Variants in ZBTB8B observed in about 807,000 individuals in gnomAD.
ZBTB8B encodes zinc finger and BTB domain containing 8B, also known as zinc finger and BTB domain-containing protein 8B.
ZBTB8B carries 17 observed loss-of-function variants against 30.3 expected under a neutral mutation model. That is an observed-to-expected ratio of 0.56 (90% confidence interval 0.38 to 0.84). ZBTB8B has a LOEUF of 0.84. ZBTB8B is among the 40% of genes least tolerant of loss of function. ZBTB8B has a pLI of 0.00. For synonymous variants in ZBTB8B, 248 were observed against 255.6 expected (o/e 0.97, Z 0.28); for missense variants, 515 against 644.9 (o/e 0.80, Z 2.18).
rs554416886 is a variant in ZBTB8B at position 32,491,769 on chromosome 1, A to G, written c.*6351A>G. 2.0e-5 allele frequency: 3 copies of G among 152,208 alleles called. No individual in the cohort carries two copies. Among genetic ancestry groups the G allele is most frequent in the Non-Finnish European group, 2.9e-5 (2 of 68,042 alleles). The allele number at this position is 152,208 out of a possible 1,614,324, so 9.4% of individuals were successfully genotyped here. ...AGTTCTCCCAGTCCAGATGCAGTTTACCAATTGGGCATCATGTCTACCATA... is the reference window on the plus strand; with the variant it reads ...AGTTCTCCCAGTCCAGATGCAGTTTGCCAATTGGGCATCATGTCTACCATA... On this transcript the variant is annotated 3_prime_UTR_variant, in exon 4 of 4. Transcript: ENST00000609129.
At chr1:32,482,245 T>G (rs989565350) in intron 3 of ZBTB8B, among the ~76,000 whole-genome samples, 3 of 152,032 alleles carry the variant, frequency 2.0e-5, no homozygotes, top group African/African-American at 7.2e-5. Flanking sequence ...GCGATCTGCC[T>G]GCCTCAGCCT....
chr1:32,473,205 C>T (rs1643637029), intron 2 of ZBTB8B, among the ~76,000 whole-genome samples: 1 of 152,042 alleles, frequency 6.6e-6, no homozygotes, highest in Non-Finnish European at 1.5e-5. Flanking sequence ...ACTCAGGAGG[C>T]TGAGGCAGGA....
At position 32,484,672 on chromosome 1, in the gene ZBTB8B, A is replaced by C. The variant is rs148236554; in HGVS notation, c.1171-429A>C. 0.01 allele frequency among the ~76,000 whole-genome samples: 1,548 copies of C among 152,130 alleles called. 21 individuals carry two copies. The highest frequency in any genetic ancestry group is 0.034 in the African/African-American group (1,425 of 41,508). ...TTTCTCATGGTTTAACGCCATCCCT[A>C]CTTGGTGCTGTCATCGTGATAGTGA... On this transcript the variant is annotated intron_variant, in intron 3 of 3. Transcript: ENST00000609129. The surrounding 1 kb of genome is among the most constrained non-coding windows in gnomAD (Gnocchi z 4.5).
intron 1 of ZBTB8B, among the ~76,000 whole-genome samples, chr1:32,467,696 C>T (rs950721312): frequency 1.3e-5 from 2 of 152,120 alleles, no homozygotes; most frequent in South Asian, 2.1e-4. Flanking sequence ...AGACATGGCT[C>T]ATGCTTTCAA....
chr1:32,483,619 C>T (rs549815843), intron 3 of ZBTB8B, among the ~76,000 whole-genome samples: 1 of 152,082 alleles, frequency 6.6e-6, no homozygotes, highest in Non-Finnish European at 1.5e-5. Flanking sequence ...GGGTGCAGCA[C>T]ACCAACATGG....
chr1:32,485,596 T>A lies in ZBTB8B; in HGVS notation c.*178T>A, dbSNP rs1311675068. On this transcript the variant is annotated 3_prime_UTR_variant, in exon 4 of 4. Transcript: ENST00000609129. ...TGGATTTTGTGACTCAAAGGACAGA[T>A]AACCTTTTTGTGTGGTGCCCTTGGT... 10 of 680,982 alleles carry A rather than the reference T, an allele frequency of 1.5e-5. No homozygotes were observed. The highest frequency in any genetic ancestry group is 5.9e-5 in the Admixed American group (2 of 33,666). 42.2% of individuals were successfully genotyped at this position (680,982 alleles called of 1,614,324 possible).
Position 32,485,507 on chromosome 1 carries a change from C to G in ZBTB8B, c.*89C>G. 2 of 1,294,698 alleles carry G rather than the reference C, an allele frequency of 1.5e-6. No individual in the cohort carries two copies. Among genetic ancestry groups the G allele is most frequent in the East Asian group, 2.5e-5 (1 of 39,418 alleles). The allele number at this position is 1,294,698 out of a possible 1,614,324, so 80.2% of individuals were successfully genotyped here. ...TACCATTTGTCCAATTTTGTGGAAC[C>G]CTGAGAGGAACATTTTTTCACTGTT... On this transcript the variant is annotated 3_prime_UTR_variant, in exon 4 of 4. Transcript: ENST00000609129.
In ZBTB8B at chr1:32,484,286, A is replaced by G. The variant is rs949361981; in HGVS notation, c.1171-815A>G. Among the ~76,000 whole-genome samples, 3 of 152,066 alleles carry G rather than the reference A, an allele frequency of 2.0e-5. No individual in the cohort carries two copies. The highest frequency in any genetic ancestry group is 2.0e-4 in the Admixed American group (3 of 15,272). ...GTATGCCAAGCACTAGGGATATAGTAAGGAATGGGACAGACTCTGTCCCTG... is the reference window on the plus strand; with the variant it reads ...GTATGCCAAGCACTAGGGATATAGTGAGGAATGGGACAGACTCTGTCCCTG... On this transcript the variant is annotated intron_variant, in intron 3 of 3. Coordinates refer to ENST00000609129, the MANE Select transcript of ZBTB8B (RefSeq NM_001145720.2). The surrounding 1 kb of genome is among the most constrained non-coding windows in gnomAD (Gnocchi z 4.5).
chr1:32,470,652 C>G lies in ZBTB8B; in HGVS notation c.28C>G (p.Leu10Val), dbSNP rs1196362433. 1 of 1,551,374 alleles carries G rather than the reference C, an allele frequency of 6.4e-7. No homozygotes were observed. Among genetic ancestry groups the G allele is most frequent in the Non-Finnish European group, 8.7e-7 (1 of 1,146,920 alleles). The change falls in exon 2 of 4, where the codon CTT (leucine) becomes GTT (valine). Residue 10 changes from leucine (L) to valine (V), a missense_variant. Coordinates refer to ENST00000609129, the MANE Select transcript of ZBTB8B (RefSeq NM_001145720.2). The stretch of plus-strand genomic sequence containing the variant: ...GGAGATGCAATCCTATTATGCCAAG[C>G]TTTTGGGGGAGCTGAATGAACAGAG... The part of the protein sequence containing the change: MEMQSYYAK[L>V]LGELNEQRKR...
In ZBTB8B at chr1:32,467,242, T is replaced by TG. The variant is rs200981447; in HGVS notation, c.-42+2138dup. On this transcript the variant is annotated intron_variant, in intron 1 of 3. Coordinates refer to ENST00000609129, the MANE Select transcript of ZBTB8B (RefSeq NM_001145720.2). Reference sequence around the variant, plus strand: ...AAAGGCGAAAGTCCCTCCACACACTTGTTTTTTTTTTTTTTTTTGAGATGG... The same window carrying TG: ...AAAGGCGAAAGTCCCTCCACACACTTGGTTTTTTTTTTTTTTTTTGAGATGG... Among the ~76,000 whole-genome samples the TG allele has an allele frequency of 6.3e-3, 896 of 142,932 alleles. 14 individuals are homozygous for TG. Among genetic ancestry groups the TG allele is most frequent in the African/African-American group, 0.021 (837 of 39,782 alleles). The allele number at this position is 142,932 out of a possible 152,430, so 93.8% of individuals were successfully genotyped here. A position where few individuals can be genotyped will look rare whatever the true frequency, so the allele number is the denominator to read the frequency against.
At position 32,484,752 on chromosome 1, in the gene ZBTB8B, T is replaced by C. The variant is rs1643731073; in HGVS notation, c.1171-349T>C. Reference sequence around the variant, plus strand: ...ATGTGTTACCTCCCCCTTCTTTCTCTTCCCCCTGCTCTGGCCATGTGAAGT... The same window carrying C: ...ATGTGTTACCTCCCCCTTCTTTCTCCTCCCCCTGCTCTGGCCATGTGAAGT... On this transcript the variant is annotated intron_variant, in intron 3 of 3. Coordinates refer to ENST00000609129, the MANE Select transcript of ZBTB8B (RefSeq NM_001145720.2). The surrounding 1 kb of genome is among the most constrained non-coding windows in gnomAD (Gnocchi z 4.5). 2.0e-5 allele frequency among the ~76,000 whole-genome samples: 3 copies of C among 152,016 alleles called. No individual in the cohort carries two copies. The South Asian group carries it at 6.2e-4, about 32-fold the overall frequency.
rs772647189 is a variant in ZBTB8B at position 32,471,473 on chromosome 1, G to A, written c.849G>A (p.Ala283=). The part of the protein sequence containing the change: ...SNYHVKQFLE[A]LLRNSAAPSK... ...ACCACGTGAAGCAGTTCCTGGAGGC[G>A]CTCTTGCGCAACAGCGCTGCCCCGA... is the stretch of plus-strand genomic sequence containing the variant. Residue 283 remains alanine (A), a synonymous_variant, in exon 2 of 4, where the codon GCG becomes GCA. Coordinates refer to ENST00000609129, the MANE Select transcript of ZBTB8B (RefSeq NM_001145720.2). 1 of 1,551,818 alleles carries A rather than the reference G, an allele frequency of 6.4e-7. No individual in the cohort carries two copies. The highest frequency in any genetic ancestry group is 1.2e-5 in the South Asian group (1 of 84,068).
intron 1 of ZBTB8B, among the ~76,000 whole-genome samples, chr1:32,467,021 G>A (rs1360014914): frequency 6.6e-6 from 1 of 152,096 alleles, no homozygotes; most frequent in Non-Finnish European, 1.5e-5. Context: ...GCTGAGTGTG[G>A]TGCTGCATGC....
At chr1:32,475,169 A>T (rs534788661) in intron 2 of ZBTB8B, among the ~76,000 whole-genome samples, 3 of 152,154 alleles carry the variant, frequency 2.0e-5, no homozygotes, top group Non-Finnish European at 4.4e-5. Context: ...AGTAGGATTG[A>T]TTTGTTTGGT....
In ZBTB8B at chr1:32,471,177, AGCGTGGAGT is replaced by A. The variant is rs1643616878; in HGVS notation, c.556_564del (p.Val186_Cys188del). 1.9e-6 allele frequency: 3 copies of A among 1,551,850 alleles called. No homozygotes were observed. The East Asian group carries it at 7.3e-5, about 38-fold the overall frequency. The stretch of plus-strand genomic sequence containing the variant: ...CTCCTCTCCAGCCGAGGGAGAAAAG[AGCGTGGAGT>A]GCCTGAGAGAGTCCCCTTGCGGTGA... On this transcript the variant is annotated inframe_deletion, in exon 2 of 4. Transcript: ENST00000609129.
Position 32,493,221 on chromosome 1 carries a change from C to G in ZBTB8B, c.*7803C>G, listed in dbSNP as rs540741435. ...GCAGTGGCGCGATCTTGGCTCACTGCAACCTCCGTATCCCAGGTTCAAGTG... is the reference window on the plus strand; with the variant it reads ...GCAGTGGCGCGATCTTGGCTCACTGGAACCTCCGTATCCCAGGTTCAAGTG... On this transcript the variant is annotated 3_prime_UTR_variant, in exon 4 of 4. Transcript: ENST00000609129. 5 of 152,226 alleles carry G rather than the reference C, an allele frequency of 3.3e-5. No individual in the cohort carries two copies. The highest frequency in any genetic ancestry group is 1.2e-4 in the African/African-American group (5 of 41,560). The allele number at this position is 152,226 out of a possible 1,614,324, so 9.4% of individuals were successfully genotyped here. A position where few individuals can be genotyped will look rare whatever the true frequency, so the allele number is the denominator to read the frequency against.
Position 32,471,029 on chromosome 1 carries a change from T to C in ZBTB8B, c.405T>C (p.Ala135=). 1 of 1,551,158 alleles carries C rather than the reference T, an allele frequency of 6.4e-7. No homozygotes were observed. Among genetic ancestry groups the C allele is most frequent in the Non-Finnish European group, 8.7e-7 (1 of 1,146,578 alleles). Residue 135 remains alanine (A), a synonymous_variant, in exon 2 of 4, where the codon GCT becomes GCC. Coordinates refer to ENST00000609129, the MANE Select transcript of ZBTB8B (RefSeq NM_001145720.2). ...AGATGGAGAAGGAGGCTGCTGTGGC[T>C]GCAGCAGTGGCGGCGGCAGCGGCGG... ...CRKMEKEAAV[A]AAVAAAAAAA...
intron 2 of ZBTB8B, among the ~76,000 whole-genome samples, chr1:32,472,747 G>C (rs1270859581): frequency 6.6e-6 from 1 of 152,192 alleles, no homozygotes; most frequent in Non-Finnish European, 1.5e-5. Flanking sequence ...CCGAGTAGCT[G>C]GGATTACCGT....
chr1:32,476,549 C>CTT (rs147271820), intron 2 of ZBTB8B, among the ~76,000 whole-genome samples: 7,125 of 152,148 alleles, frequency 0.047, 165 homozygotes, highest in Middle Eastern at 0.061. Flanking sequence ...TATTGACTCT[C>CTT]TTAAGTCTTT....
Sources: gnomAD v4.1 joint callset for allele counts (sites outside exome capture counted in the v4.1 genomes callset) on GRCh38, gnomAD v4.1.1 for gene constraint, Gnocchi (gnomAD v3.1) non-coding constraint, MANE v1.5 for transcripts, NCBI Gene and HGNC (gene_info 2026-07-23, HGNC 2026-07-21) for gene names.